Variants in SLC35F1 observed in about 807,000 individuals in gnomAD.
The protein encoded by SLC35F1 is solute carrier family 35 member F1.
A neutral mutation model predicts 48.7 loss-of-function variants in SLC35F1; 14 were observed. The ratio of observed to expected loss-of-function variants is 0.29; its 90% CI spans 0.19 to 0.45. The LOEUF (loss-of-function observed/expected upper bound fraction) is 0.45, where lower values mean the gene tolerates loss of function less well. SLC35F1 is among the 20% of genes least tolerant of loss of function. SLC35F1 has a pLI of 1.00. For missense variants in SLC35F1, 404 were observed against 500.0 expected, an observed-to-expected ratio of 0.81 and a Z score of 1.83; for synonymous variants, 190 against 202.2, an observed-to-expected ratio of 0.94 and a Z score of 0.51.
At chr6:118,140,581 TAG>T (rs1773872369) in intron 1 of SLC35F1, among the ~76,000 whole-genome samples, 1 of 142,036 alleles carries the variant, frequency 7.0e-6, no homozygotes, top group Admixed American at 7.6e-5. Context: ...TTTAATCTTT[TAG>T]AGTGTATTCC....
At chr6:117,944,360 A>C (rs1776268232) in intron 1 of SLC35F1, among the ~76,000 whole-genome samples, 1 of 151,858 alleles carries the variant, frequency 6.6e-6, no homozygotes, top group Non-Finnish European at 1.5e-5. Context: ...CAACCTTGTG[A>C]GGTCAAAATA....
At chr6:118,177,402 G>A (rs1170851657) in intron 2 of SLC35F1, among the ~76,000 whole-genome samples, 2 of 152,010 alleles carry the variant, frequency 1.3e-5, no homozygotes, top group Non-Finnish European at 2.9e-5. Context: ...TACTGGAATG[G>A]CCAAGAAAGT....
At chr6:117,983,159 A>C (rs1776803899) in intron 1 of SLC35F1, among the ~76,000 whole-genome samples, 1 of 152,222 alleles carries the variant, frequency 6.6e-6, no homozygotes, top group Non-Finnish European at 1.5e-5. Context: ...GCACTCTGTC[A>C]ATAGACTTGT....
intron 1 of SLC35F1, among the ~76,000 whole-genome samples, chr6:118,082,346 G>A (rs999832426): frequency 6.6e-6 from 1 of 152,164 alleles, no homozygotes; most frequent in Admixed American, 6.5e-5. Flanking sequence ...CTTATTATAA[G>A]ATACTGATAA....
chr6:117,943,570 A>T (rs1776259226), intron 1 of SLC35F1, among the ~76,000 whole-genome samples: 1 of 152,224 alleles, frequency 6.6e-6, no homozygotes, highest in Non-Finnish European at 1.5e-5. Flanking sequence ...CATCAGTAGG[A>T]GGTCAGAAAT....
chr6:118,042,010 G>C (rs1050734838), intron 1 of SLC35F1, among the ~76,000 whole-genome samples: 1 of 151,360 alleles, frequency 6.6e-6, no homozygotes, highest in Non-Finnish European at 1.5e-5. Context: ...GTCCCCATAT[G>C]GACACTCTCT....
intron 1 of SLC35F1, among the ~76,000 whole-genome samples, chr6:118,051,422 G>A (rs4275092): frequency 0.49 from 75,066 of 151,884 alleles, 19,637 homozygotes; most frequent in Middle Eastern, 0.62. Flanking sequence ...ATTACATGTT[G>A]CAATGAGTGT....
rs572530570 is a variant in SLC35F1 at position 118,121,001 on chromosome 6, A to T, written c.174-33444A>T. On this transcript the variant is annotated intron_variant, in intron 1 of 7. Coordinates refer to ENST00000360388, the MANE Select transcript of SLC35F1 (RefSeq NM_001029858.4). ...TAGCAGTCCTATCAGAAATATATAT[A>T]TTTTTTTATTTCAAGTAAACTCAAA... Among the ~76,000 whole-genome samples, 156 of 151,942 alleles carry T rather than the reference A, an allele frequency of 1.0e-3. 4 individuals are homozygous for T. In the South Asian group the frequency reaches 0.03, roughly 29 times the overall value.
At chr6:118,129,407 A>C (rs1773677216) in intron 1 of SLC35F1, among the ~76,000 whole-genome samples, 1 of 152,158 alleles carries the variant, frequency 6.6e-6, no homozygotes, top group Non-Finnish European at 1.5e-5. Flanking sequence ...AAAAATGAGG[A>C]GGAAGTTGCA....
At chr6:117,945,627 C>A (rs1386560411) in intron 1 of SLC35F1, among the ~76,000 whole-genome samples, 1 of 152,182 alleles carries the variant, frequency 6.6e-6, no homozygotes, top group East Asian at 1.9e-4. Flanking sequence ...TTTCCCGATT[C>A]TCTAGTTTTT....
intron 1 of SLC35F1, among the ~76,000 whole-genome samples, chr6:118,005,393 C>T (rs1360500177): frequency 1.3e-5 from 2 of 152,140 alleles, no homozygotes; most frequent in Non-Finnish European, 2.9e-5. Flanking sequence ...AGACTTGAAA[C>T]CATAGTGTCT....
chr6:118,142,392 TG>T (rs1430499254), intron 1 of SLC35F1, among the ~76,000 whole-genome samples: 1 of 152,232 alleles, frequency 6.6e-6, no homozygotes, highest in Non-Finnish European at 1.5e-5. Context: ...CTCCTTAGAT[TG>T]CCCTGCCTCA....
intron 2 of SLC35F1, among the ~76,000 whole-genome samples, chr6:118,172,436 T>A (rs1358830248): frequency 6.6e-6 from 1 of 152,134 alleles, no homozygotes; most frequent in Admixed American, 6.6e-5. Flanking sequence ...TCCAAAAAAA[T>A]GAAGTGAACT....
intron 1 of SLC35F1, among the ~76,000 whole-genome samples, chr6:118,050,689 G>T (rs542022694): frequency 1.3e-5 from 2 of 152,282 alleles, no homozygotes; most frequent in Non-Finnish European, 2.9e-5. Context: ...TAGGTGAGAA[G>T]GGGAATGGGG....
At chr6:117,970,595 C>A (rs536697081) in intron 1 of SLC35F1, among the ~76,000 whole-genome samples, 1 of 152,092 alleles carries the variant, frequency 6.6e-6, no homozygotes, top group African/African-American at 2.4e-5. Flanking sequence ...AAGAAATATC[C>A]GAGACTGGGT....
At chr6:118,173,276 T>A (rs1270620765) in intron 2 of SLC35F1, among the ~76,000 whole-genome samples, 1 of 150,718 alleles carries the variant, frequency 6.6e-6, no homozygotes, top group African/African-American at 2.5e-5. Flanking sequence ...AAAAGAAACC[T>A]AAATGTACAA....
rs144690690 is a variant in SLC35F1, at chr6:118,174,746, C to T, written c.349+20126C>T. ...ATGCAAAGAAAATCACATTTCTTTT[C>T]TGTGTCAAACTTCTAAAAAACAAAA... On this transcript the variant is annotated intron_variant, in intron 2 of 7. Coordinates refer to ENST00000360388, the MANE Select transcript of SLC35F1 (RefSeq NM_001029858.4). Among the ~76,000 whole-genome samples, 1,393 of 152,096 alleles carry T rather than the reference C, an allele frequency of 9.2e-3. 21 individuals are homozygous for T. The highest frequency in any genetic ancestry group is 0.027 in the Middle Eastern group (8 of 292).
intron 1 of SLC35F1, among the ~76,000 whole-genome samples, chr6:118,101,627 T>C (rs1773258999): frequency 6.6e-6 from 1 of 152,072 alleles, no homozygotes; most frequent in Non-Finnish European, 1.5e-5. Flanking sequence ...GGGTAAAACA[T>C]CAGAAGAAGC....
chr6:118,286,678 A>G lies in SLC35F1; in HGVS notation c.1002+1340A>G, dbSNP rs78320430. Among the ~76,000 whole-genome samples the G allele has an allele frequency of 8.8e-3, 1,337 of 152,286 alleles. 13 individuals are homozygous for G. Among genetic ancestry groups the G allele is most frequent in the African/African-American group, 0.03 (1,251 of 41,552 alleles). Reference sequence around the variant, plus strand: ...AAAATTGTACTATATACAGTATTTAAGATGTACAACATGATTTTTGGATGT... The same window carrying G: ...AAAATTGTACTATATACAGTATTTAGGATGTACAACATGATTTTTGGATGT... On this transcript the variant is annotated intron_variant, in intron 7 of 7. Coordinates refer to ENST00000360388, the MANE Select transcript of SLC35F1 (RefSeq NM_001029858.4).
Sources: gnomAD v4.1 joint callset for allele counts (sites outside exome capture counted in the v4.1 genomes callset) on GRCh38, gnomAD v4.1.1 for gene constraint, MANE v1.5 for transcripts, NCBI Gene and HGNC (gene_info 2026-07-23, HGNC 2026-07-21) for gene names.